Variants in NTAN1 observed in about 807,000 individuals in gnomAD.
NTAN1 encodes N-terminal asparagine amidase.
Under a neutral mutation model 41.9 loss-of-function variants are expected in NTAN1, and 32 were observed. The observed-to-expected ratio is 0.76, with a 90% CI of 0.58 to 1.03. The LOEUF is 1.03. Among genes scored for constraint, NTAN1 ranks in the 50% least tolerant of loss-of-function variants. NTAN1 has a pLI of 0.00. For synonymous variants in NTAN1, 140 were observed against 139.5 expected, an observed-to-expected ratio of 1.00 and a Z score of -0.03; for missense variants, 377 against 377.5, an observed-to-expected ratio of 1.00 and a Z score of 0.01.
Position 15,044,300 on chromosome 16 carries a change from C to T in NTAN1, c.433+34G>A, listed in dbSNP as rs969315732. 4.7e-6 allele frequency: 7 copies of T among 1,475,614 alleles called. No individual in the cohort carries two copies. The African/African-American group carries it at 9.7e-5, about 21-fold the overall frequency. The allele number at this position is 1,475,614 out of a possible 1,614,324, so 91.4% of individuals were successfully genotyped here. A position where few individuals can be genotyped will look rare whatever the true frequency, so the allele number is the denominator to read the frequency against. Reference sequence around the variant, plus strand: ...GCAAATATGGGTACATATTTATGTCCAATTTGGGGGAAAGAAAAAAAAAAT... The same window carrying T: ...GCAAATATGGGTACATATTTATGTCTAATTTGGGGGAAAGAAAAAAAAAAT... On this transcript the variant is annotated intron_variant, in intron 5 of 9. Transcript: ENST00000287706.
In NTAN1 at chr16:15,047,868, G is replaced by A; in HGVS notation, c.237C>T (p.Val79=). 1 of 1,612,810 alleles carries A rather than the reference G, an allele frequency of 6.2e-7. No individual in the cohort carries two copies. The highest frequency in any genetic ancestry group is 1.3e-5 in the African/African-American group (1 of 75,020). The change falls in exon 3 of 10, where the codon GTC becomes GTT. Residue 79 remains valine, a synonymous_variant. Coordinates refer to ENST00000287706, the MANE Select transcript of NTAN1 (RefSeq NM_173474.4). ...SDDATTCHIV[V]LRHTGNGATC... ...CTCTCATCATACCTGTGTGCCTCAGGACCACAATGTGACAAGTAGTGGCAT... is the reference window on the plus strand; with the variant it reads ...CTCTCATCATACCTGTGTGCCTCAGAACCACAATGTGACAAGTAGTGGCAT...
chr16:15,039,937 TAA>T, intron 8 of NTAN1, 30 bp downstream of exon 8: 1 of 1,267,726 alleles, frequency 7.9e-7, no homozygotes, highest in Admixed American at 2.1e-5. Context: ...TTTTTTTTTT[TAA>T]CCCCTTAACA....
At chr16:15,042,378 T>C (rs1032041685) in intron 5 of NTAN1, among the ~76,000 whole-genome samples, 7 of 151,604 alleles carry the variant, frequency 4.6e-5, no homozygotes, top group Non-Finnish European at 1.0e-4. Context: ...TAGAGACAGA[T>C]GGGGTTTCAC....
Position 15,041,305 on chromosome 16 carries a change from A to G in NTAN1, c.488-184T>C, listed in dbSNP as rs560610780. 2.6e-5 allele frequency among the ~76,000 whole-genome samples: 4 copies of G among 152,248 alleles called. No individual in the cohort carries two copies. In the East Asian group the frequency reaches 7.7e-4, roughly 29 times the overall value. On this transcript the variant is annotated intron_variant, in intron 6 of 9. Transcript: ENST00000287706. ...CAAGGCAGGGGGGTTTATACTGAAC[A>G]AACTGGCAGCTGCAGAATCGGTCCC...
In NTAN1 at chr16:15,038,689, T is replaced by C; in HGVS notation, c.640-2A>G. On this transcript the variant is annotated splice_acceptor_variant, in intron 8 of 9. Transcript: ENST00000287706. LOFTEE classifies it high-confidence loss of function. ...CTCTGCATCATAAATGCTAATCATC[T>C]AAAAAAGAACGTGTCAAGGATAGAA... is the stretch of plus-strand genomic sequence containing the variant. The C allele has an allele frequency of 6.7e-7, 1 of 1,502,376 alleles. No individual in the cohort carries two copies. Among genetic ancestry groups the C allele is most frequent in the Non-Finnish European group, 9.2e-7 (1 of 1,085,616 alleles). 93.1% of individuals were successfully genotyped at this position (1,502,376 alleles called of 1,614,324 possible).
At chr16:15,038,265 T>C (rs1326930655) in intron 9 of NTAN1, 55 bp from the exon 10 acceptor site, 3 of 1,215,200 alleles carry the variant, frequency 2.5e-6, no homozygotes, top group Non-Finnish European at 2.4e-6. Context: ...TCCCCTGCTG[T>C]GATAAAGATG....
intron 5 of NTAN1, among the ~76,000 whole-genome samples, chr16:15,042,117 A>G (rs2043842435): frequency 1.3e-5 from 2 of 152,302 alleles, no homozygotes; most frequent in South Asian, 4.1e-4. Context: ...AACACTGTTA[A>G]TAATTAGTGT....
chr16:15,038,155 G>A lies in NTAN1; in HGVS notation c.809C>T (p.Ser270Phe), dbSNP rs758509259. 6.2e-7 allele frequency: 1 copy of A among 1,613,096 alleles called. No individual in the cohort carries two copies. The highest frequency in any genetic ancestry group is 2.2e-5 in the East Asian group (1 of 44,874). ...GTGTTTTTTTAAAAACATCAAGGTA[G>A]ATCTAATATGTTCAACAAAGTGGGG... ...EPPHFVEHIR[S>F]TLMFLKKHPS... Residue 270 changes from serine (S) to phenylalanine (F), a missense_variant, in exon 10 of 10, where the codon TCT (serine) becomes TTT (phenylalanine). By Grantham distance (155) the Ser-to-Phe change is radical. Coordinates refer to ENST00000287706, the MANE Select transcript of NTAN1 (RefSeq NM_173474.4).
chr16:15,053,335 G>A (rs1004764736), intron 1 of NTAN1, among the ~76,000 whole-genome samples: 1 of 152,150 alleles, frequency 6.6e-6, no homozygotes, highest in South Asian at 2.1e-4. Context: ...GTGGTGCTTG[G>A]CAGCTTCCAC....
intron 1 of NTAN1, among the ~76,000 whole-genome samples, chr16:15,051,441 C>T (rs977008213): frequency 8.5e-5 from 13 of 152,174 alleles, no homozygotes; most frequent in African/African-American, 3.1e-4. Context: ...CAGCCTCTGG[C>T]CTCAAGCAAT....
chr16:15,038,239 G>A, intron 9 of NTAN1, 29 bp from the exon 10 acceptor site: 2 of 1,571,932 alleles, frequency 1.3e-6, no homozygotes, highest in Non-Finnish European at 1.7e-6. Context: ...GGGCATTAGA[G>A]AAGCCAACCT....
chr16:15,041,994 A>T (rs536644075), intron 5 of NTAN1, among the ~76,000 whole-genome samples: 40 of 152,284 alleles, frequency 2.6e-4, no homozygotes, highest in African/African-American at 8.2e-4. Context: ...TTTTCTCCTA[A>T]CTAAACTGTT....
intron 3 of NTAN1, 21 bp downstream of exon 3, chr16:15,047,834 C>T (rs1227334286): frequency 6.3e-7 from 1 of 1,596,032 alleles, no homozygotes; most frequent in East Asian, 2.2e-5. Context: ...GTAATGGTTT[C>T]CTTCACCTCT....
In NTAN1 at chr16:15,042,410, G is replaced by A. The variant is rs916279757; in HGVS notation, c.434-734C>T. 3.9e-5 allele frequency among the ~76,000 whole-genome samples: 6 copies of A among 152,050 alleles called. No homozygotes were observed. In the East Asian group the frequency reaches 7.8e-4, roughly 20 times the overall value. ...TCACCATGTTGGCCAGGCTGGTCTC[G>A]AACTCGTGACCTAAAGTGATCCACC... On this transcript the variant is annotated intron_variant, in intron 5 of 9. Coordinates refer to ENST00000287706, the MANE Select transcript of NTAN1 (RefSeq NM_173474.4).
intron 7 of NTAN1, 134 bp from the exon 8 acceptor site, chr16:15,040,200 TCCCCCTCCCTGGAGGGGGA>T (rs2043749231): frequency 2.1e-6 from 1 of 466,682 alleles, no homozygotes; most frequent in African/African-American, 2.0e-5. Context: ...TATCTGGACT[TCCCCCTCCCTGGAGGGGGA>T]AAATGCAACC....
At chr16:15,042,386 C>CA (rs1484043733) in intron 5 of NTAN1, among the ~76,000 whole-genome samples, 4 of 151,832 alleles carry the variant, frequency 2.6e-5, no homozygotes, top group African/African-American at 9.7e-5. Context: ...GATGGGGTTT[C>CA]ACCATGTTGG....
In NTAN1 at chr16:15,038,586, C is replaced by T; in HGVS notation, c.741G>A (p.Lys247=). The change falls in exon 9 of 10, where the codon AAG becomes AAA. Residue 247 remains lysine (K), a synonymous_variant. Coordinates refer to ENST00000287706, the MANE Select transcript of NTAN1 (RefSeq NM_173474.4). ...TGTAAACTCTCACCTCTAGTATTTG[C>T]TTGTCATCTTGGTGCAACCAGAAAT... ...HVDFWLHQDD[K]QILENLSTSP... 3.8e-6 allele frequency: 6 copies of T among 1,575,698 alleles called. No homozygotes were observed. Among genetic ancestry groups the T allele is most frequent in the Non-Finnish European group, 5.2e-6 (6 of 1,145,614 alleles).
rs565245548 is a variant in NTAN1, at chr16:15,041,696, A to G, written c.434-20T>C. The stretch of plus-strand genomic sequence containing the variant: ...ATTCACCTATGATGAGAATTTTAAG[A>G]CCAGAAGTCAGAAAAGTTCCTCTAG... On this transcript the variant is annotated intron_variant, in intron 5 of 9. Coordinates refer to ENST00000287706, the MANE Select transcript of NTAN1 (RefSeq NM_173474.4). The G allele has an allele frequency of 6.3e-7, 1 of 1,587,946 alleles. No individual in the cohort carries two copies. Among genetic ancestry groups the G allele is most frequent in the East Asian group, 2.2e-5 (1 of 44,768 alleles).
intron 5 of NTAN1, among the ~76,000 whole-genome samples, chr16:15,043,851 G>A (rs999595336): frequency 2.6e-5 from 4 of 152,050 alleles, no homozygotes; most frequent in African/African-American, 7.2e-5. Context: ...AGGAGGGTGA[G>A]GCAAGAGAAT....
Sources: gnomAD v4.1 joint callset for allele counts (sites outside exome capture counted in the v4.1 genomes callset) on GRCh38, gnomAD v4.1.1 for gene constraint, MANE v1.5 for transcripts, NCBI Gene and HGNC (gene_info 2026-07-23, HGNC 2026-07-21) for gene names.